ITGBL1: variants seen among roughly 807,000 people sequenced by gnomAD.
ITGBL1 encodes the protein integrin beta-like protein 1.
A neutral mutation model predicts 68.5 loss-of-function variants in ITGBL1; 51 were observed. That is an observed-to-expected ratio of 0.74 (90% CI 0.59 to 0.94). The LOEUF is 0.94. ITGBL1 is among the 40% of genes least tolerant of loss of function. The probability of loss-of-function intolerance (pLI) is 0.00; values close to 1 mark genes in which losing one functional copy is unlikely to be tolerated. For missense variants in ITGBL1, 649 were observed against 647.4 expected (o/e 1.00, Z -0.03); for synonymous variants, 209 against 227.3 (o/e 0.92, Z 0.72).
chr13:101,697,621 T>C (rs2139567405), intron 8 of ITGBL1, among the ~76,000 whole-genome samples: 1 of 152,320 alleles, frequency 6.6e-6, no homozygotes, highest in South Asian at 2.1e-4. Flanking sequence ...CTGCTTATTG[T>C]AGTAACTTGG....
rs568537301 is a variant in ITGBL1, at chr13:101,492,778, C to G, written c.316+38678C>G. Among the ~76,000 whole-genome samples the G allele has an allele frequency of 1.2e-4, 18 of 152,330 alleles. No homozygotes were observed. The South Asian group carries it at 2.9e-3, about 25-fold the overall frequency. ...TAGCTACCAGAGGAATTTAGACAAT[C>G]CTTTCTCTTGGCTCTCAAGTATATT... On this transcript the variant is annotated intron_variant, in intron 2 of 10. Coordinates refer to ENST00000376180, the MANE Select transcript of ITGBL1 (RefSeq NM_004791.3).
chr13:101,700,621 A>AT (rs74404486), intron 8 of ITGBL1, among the ~76,000 whole-genome samples: 34,976 of 151,922 alleles, frequency 0.23, 4,362 homozygotes, highest in Admixed American at 0.31. Context: ...ATAAATTTAG[A>AT]TTTTTTTTAC....
chr13:101,587,070 A>G (rs993522946), intron 6 of ITGBL1, among the ~76,000 whole-genome samples: 2 of 152,120 alleles, frequency 1.3e-5, no homozygotes, highest in Admixed American at 1.3e-4. Flanking sequence ...TGCCATCCTG[A>G]GAGTTTTGGT....
intron 2 of ITGBL1, among the ~76,000 whole-genome samples, chr13:101,550,648 C>G (rs1004783096): frequency 6.6e-6 from 1 of 152,102 alleles, no homozygotes; most frequent in Non-Finnish European, 1.5e-5. Flanking sequence ...AACAAAAGTT[C>G]TCCAAGATAT....
chr13:101,462,061 G>C (rs1263099766), intron 2 of ITGBL1, among the ~76,000 whole-genome samples: 2 of 152,076 alleles, frequency 1.3e-5, no homozygotes, highest in Non-Finnish European at 2.9e-5. Context: ...TTCCTTGCTG[G>C]CTGTCAGTTG....
At chr13:101,589,790 C>T (rs563215899) in intron 6 of ITGBL1, among the ~76,000 whole-genome samples, 14 of 152,238 alleles carry the variant, frequency 9.2e-5, no homozygotes, top group East Asian at 1.9e-4. Flanking sequence ...CCCAGCTTTG[C>T]TTATAGTTGG....
intron 9 of ITGBL1, among the ~76,000 whole-genome samples, chr13:101,708,072 C>T (rs2034305042): frequency 6.6e-6 from 1 of 150,526 alleles, no homozygotes; most frequent in South Asian, 2.1e-4. Flanking sequence ...CACACACATA[C>T]ACACAAATTG....
At chr13:101,506,595 C>T (rs1256339674) in intron 2 of ITGBL1, among the ~76,000 whole-genome samples, 2 of 152,202 alleles carry the variant, frequency 1.3e-5, no homozygotes, top group Admixed American at 6.5e-5. Flanking sequence ...GCTTCCATAC[C>T]TCTACCAACC....
intron 3 of ITGBL1, among the ~76,000 whole-genome samples, chr13:101,572,857 A>G (rs2050295546): frequency 6.6e-6 from 1 of 152,092 alleles, no homozygotes; most frequent in Non-Finnish European, 1.5e-5. Context: ...AGTCCTAACC[A>G]AGTGACTTCC....
chr13:101,717,136 A>T (rs555039672), downstream of ITGBL1: 43 of 152,264 alleles, frequency 2.8e-4, no homozygotes, highest in African/African-American at 9.9e-4. Context: ...AATGATGTAA[A>T]TATTCTAGTC....
chr13:101,598,096 A>G, intron 6 of ITGBL1, 57 bp from the exon 7 acceptor site: 68 of 1,379,656 alleles, frequency 4.9e-5, no homozygotes, highest in Non-Finnish European at 6.1e-5. Flanking sequence ...ATGAAAACTA[A>G]TTCCAACTTC....
intron 7 of ITGBL1, among the ~76,000 whole-genome samples, chr13:101,609,528 G>T (rs1222959951): frequency 6.6e-6 from 1 of 152,210 alleles, no homozygotes; most frequent in East Asian, 1.9e-4. Context: ...AAAGAGCCTT[G>T]TTAAATAGAA....
chr13:101,480,946 A>G (rs12184572), intron 2 of ITGBL1, among the ~76,000 whole-genome samples: 81,401 of 151,138 alleles, frequency 0.54, 22,670 homozygotes, highest in Non-Finnish European at 0.61. Flanking sequence ...TGTTGGAGAG[A>G]AACCTTCAGA....
chr13:101,719,380 C>T (rs970792949), downstream of ITGBL1: 1 of 151,996 alleles, frequency 6.6e-6, no homozygotes, highest in Non-Finnish European at 1.5e-5. Flanking sequence ...CATCGTGGAT[C>T]TCTTTAAGCC....
chr13:101,560,754 C>T (rs2050086232), intron 2 of ITGBL1, among the ~76,000 whole-genome samples: 1 of 152,160 alleles, frequency 6.6e-6, no homozygotes, highest in Non-Finnish European at 1.5e-5. Flanking sequence ...CTCAAATTAT[C>T]CTTTTTTTGT....
chr13:101,597,058 A>G (rs547024734), intron 6 of ITGBL1, among the ~76,000 whole-genome samples: 2 of 152,276 alleles, frequency 1.3e-5, no homozygotes, highest in East Asian at 1.9e-4. Context: ...CCTAATGTCA[A>G]CTATTCACTT....
intron 7 of ITGBL1, among the ~76,000 whole-genome samples, chr13:101,613,248 A>G (rs779774338): frequency 2.0e-5 from 3 of 152,180 alleles, no homozygotes; most frequent in Non-Finnish European, 4.4e-5. Flanking sequence ...TGGCATAAAA[A>G]TGACCTCCAG....
At chr13:101,481,426 C>G (rs2048622748) in intron 2 of ITGBL1, among the ~76,000 whole-genome samples, 1 of 151,896 alleles carries the variant, frequency 6.6e-6, no homozygotes, top group African/African-American at 2.4e-5. Context: ...TGATGCTAGG[C>G]ACATTGTGAT....
chr13:101,582,227 C>CT (rs199635610), intron 5 of ITGBL1, among the ~76,000 whole-genome samples: 2,086 of 151,764 alleles, frequency 0.014, 49 homozygotes, highest in African/African-American at 0.047. Flanking sequence ...CTTTGTCAGT[C>CT]TTTTTTTTAC....
Sources: allele counts gnomAD v4.1 joint callset (sites outside exome capture counted in the v4.1 genomes callset), GRCh38; gene constraint gnomAD v4.1.1; transcripts MANE v1.5; gene names NCBI Gene and HGNC (gene_info 2026-07-23, HGNC 2026-07-21).